DCTN5: variants seen among roughly 807,000 people sequenced by gnomAD.
DCTN5 encodes the protein dynactin 4.
DCTN5 carries 14 observed loss-of-function variants against 23.5 expected under a neutral mutation model. That is an observed-to-expected ratio of 0.60 (90% confidence interval 0.39 to 0.93). The LOEUF (loss-of-function observed/expected upper bound fraction) is 0.93, where lower values mean the gene tolerates loss of function less well. Ranked by LOEUF, DCTN5 falls within the 40% of genes least tolerant of loss-of-function variation. DCTN5 has a pLI of 0.00. For missense variants in DCTN5, 156 were observed against 225.9 expected (o/e 0.69, Z 1.98); for synonymous variants, 67 against 79.6 (o/e 0.84, Z 0.84).
intron 2 of DCTN5, chr16:23,650,750 T>C: frequency 6.5e-7 from 1 of 1,534,710 alleles, no homozygotes; most frequent in Non-Finnish European, 8.7e-7. Context: ...ATCCCTTCTC[T>C]TTCAGAACTT....
chr16:23,648,347 T>C (rs1967518029), intron 2 of DCTN5, among the ~76,000 whole-genome samples: 1 of 140,038 alleles, frequency 7.1e-6, no homozygotes, highest in Non-Finnish European at 1.5e-5. Flanking sequence ...CTTTTTTCTT[T>C]TTTTTTTTTT....
Position 23,669,275 on chromosome 16 carries a change from A to C in DCTN5, c.*2131A>C, listed in dbSNP as rs1027032784. 1 of 152,256 alleles carries C rather than the reference A, an allele frequency of 6.6e-6. No homozygotes were observed. Among genetic ancestry groups the C allele is most frequent in the African/African-American group, 2.4e-5 (1 of 41,462 alleles). 9.4% of individuals were successfully genotyped at this position (152,256 alleles called of 1,614,324 possible). On this transcript the variant is annotated 3_prime_UTR_variant, in exon 6 of 6. Coordinates refer to ENST00000300087, the MANE Select transcript of DCTN5 (RefSeq NM_032486.4). ...GGGAATTTAATGGCTCACGTAGCTG[A>C]AAAGGATGGGCTAGATTGGGCTTCA...
chr16:23,647,328 T>G lies in DCTN5; in HGVS notation c.117+4305T>G, dbSNP rs182639211. ...TTTTGCCATTTTGGTCAGGCTGGTC[T>G]CGAACTCCTGACCTCAGGTGATCCG... On this transcript the variant is annotated intron_variant, in intron 2 of 5. Coordinates refer to ENST00000300087, the MANE Select transcript of DCTN5 (RefSeq NM_032486.4). 7.9e-5 allele frequency among the ~76,000 whole-genome samples: 12 copies of G among 152,214 alleles called. No individual in the cohort carries two copies. In the East Asian group the frequency reaches 2.3e-3, roughly 29 times the overall value.
chr16:23,659,580 T>G (rs979463648), intron 3 of DCTN5, among the ~76,000 whole-genome samples: 2 of 152,210 alleles, frequency 1.3e-5, no homozygotes, highest in Admixed American at 1.3e-4. Flanking sequence ...ATATGACAGC[T>G]ACTATATGAT....
rs1231319566 is a variant in DCTN5, at chr16:23,675,532, A to G, written c.*8388A>G. ...AAAAAAAAAAAGTTTATCTACAAAA[A>G]TGCTTTTGTGCCTCTTACATACAAC... On this transcript the variant is annotated 3_prime_UTR_variant, in exon 6 of 6. Coordinates refer to ENST00000300087, the MANE Select transcript of DCTN5 (RefSeq NM_032486.4). 1 of 152,018 alleles carries G rather than the reference A, an allele frequency of 6.6e-6. No individual in the cohort carries two copies. The allele number at this position is 152,018 out of a possible 1,614,324, so 9.4% of individuals were successfully genotyped here. A position where few individuals can be genotyped will look rare whatever the true frequency, so the allele number is the denominator to read the frequency against.
Position 23,673,969 on chromosome 16 carries a change from G to A in DCTN5, c.*6825G>A, listed in dbSNP as rs1294216779. The A allele has an allele frequency of 6.6e-6, 1 of 152,146 alleles. No homozygotes were observed. Among genetic ancestry groups the A allele is most frequent in the Non-Finnish European group, 1.5e-5 (1 of 68,024 alleles). The allele number at this position is 152,146 out of a possible 1,614,324, so 9.4% of individuals were successfully genotyped here. A position where few individuals can be genotyped will look rare whatever the true frequency, so the allele number is the denominator to read the frequency against. ...TTTGAGTGGGTCAATTGGACTCTAA[G>A]ACCAACAAGATAAAAAGGCAGCCTT... On this transcript the variant is annotated 3_prime_UTR_variant, in exon 6 of 6. Transcript: ENST00000300087.
chr16:23,668,903 A>G lies in DCTN5; in HGVS notation c.*1759A>G, dbSNP rs1276677707. 6.6e-6 allele frequency: 1 copy of G among 152,466 alleles called. No individual in the cohort carries two copies. The highest frequency in any genetic ancestry group is 1.5e-5 in the Non-Finnish European group (1 of 68,042). 9.4% of individuals were successfully genotyped at this position (152,466 alleles called of 1,614,324 possible). A position where few individuals can be genotyped will look rare whatever the true frequency, so the allele number is the denominator to read the frequency against. On this transcript the variant is annotated 3_prime_UTR_variant, in exon 6 of 6. Coordinates refer to ENST00000300087, the MANE Select transcript of DCTN5 (RefSeq NM_032486.4). ...CTTGGATCAGTCACTGTGGCCATGC[A>G]TGTTTGGCCACATGATTAATCCAGT... is the stretch of plus-strand genomic sequence containing the variant.
intron 2 of DCTN5, among the ~76,000 whole-genome samples, chr16:23,645,394 G>A (rs1967437103): frequency 6.6e-6 from 1 of 151,752 alleles, no homozygotes; most frequent in South Asian, 2.1e-4. Context: ...CAAAGTGCTG[G>A]AATTACAGGC....
chr16:23,651,493 T>C (rs1431023661), intron 2 of DCTN5, among the ~76,000 whole-genome samples: 1 of 152,236 alleles, frequency 6.6e-6, no homozygotes, highest in Non-Finnish European at 1.5e-5. Flanking sequence ...GTGGATGTTC[T>C]TTATTTCCAG....
rs183984540 is a variant in DCTN5, at chr16:23,654,464, T to C, written c.118-4043T>C. On this transcript the variant is annotated intron_variant, in intron 2 of 5. Coordinates refer to ENST00000300087, the MANE Select transcript of DCTN5 (RefSeq NM_032486.4). ...CACTGGGGCCTATGGGAGCGGGGAGTTGGGAGGGTGCAGGAGGGAAAGGAT... is the reference window on the plus strand; with the variant it reads ...CACTGGGGCCTATGGGAGCGGGGAGCTGGGAGGGTGCAGGAGGGAAAGGAT... Among the ~76,000 whole-genome samples, 11 of 151,402 alleles carry C rather than the reference T, an allele frequency of 7.3e-5. No homozygotes were observed. The East Asian group carries it at 1.9e-3, about 27-fold the overall frequency.
chr16:23,650,871 G>A (rs1158785969), intron 2 of DCTN5: 1 of 1,422,586 alleles, frequency 7.0e-7, no homozygotes, highest in Non-Finnish European at 9.6e-7. Context: ...GAGTGGTGGG[G>A]CCTGGTGAAT....
intron 2 of DCTN5, among the ~76,000 whole-genome samples, chr16:23,655,809 T>C (rs1967694305): frequency 2.0e-5 from 3 of 152,158 alleles, no homozygotes; most frequent in Admixed American, 1.3e-4. Flanking sequence ...CCTCCCAAAG[T>C]ACTAGAATTA....
chr16:23,665,671 A>C lies in DCTN5; in HGVS notation c.394A>C (p.Thr132Pro). Residue 132 changes from threonine to proline, a missense_variant, in exon 5 of 6, where the codon ACA becomes CCA. This residue lies in a region of DCTN5 where 153 missense variants were observed against 206.8 expected (regional missense o/e 0.74). Coordinates refer to ENST00000300087, the MANE Select transcript of DCTN5 (RefSeq NM_032486.4). Reference protein sequence around the residue: ...LKDCCKILDNTVLPPETVVPP... With the variant: ...LKDCCKILDNPVLPPETVVPP... ...AGACTGCTGCAAAATTCTTGACAACACAGTATTACCTCCAGAAACTGTGGT... is the reference window on the plus strand; with the variant it reads ...AGACTGCTGCAAAATTCTTGACAACCCAGTATTACCTCCAGAAACTGTGGT... The C allele has an allele frequency of 6.2e-7, 1 of 1,614,154 alleles. No homozygotes were observed. Among genetic ancestry groups the C allele is most frequent in the Non-Finnish European group, 8.5e-7 (1 of 1,180,020 alleles).
intron 2 of DCTN5, among the ~76,000 whole-genome samples, chr16:23,652,075 A>G (rs1967615889): frequency 6.6e-6 from 1 of 152,126 alleles, no homozygotes; most frequent in Admixed American, 6.6e-5. Flanking sequence ...GAACTGTAAT[A>G]CTTCATAATC....
chr16:23,643,279 T>C (rs56077886), intron 2 of DCTN5, among the ~76,000 whole-genome samples: 9,648 of 150,920 alleles, frequency 0.064, 643 homozygotes, highest in African/African-American at 0.16. Context: ...GCAACCTCCG[T>C]CTCCCAGGTT....
chr16:23,658,460 G>A (rs376920212), intron 2 of DCTN5, 47 bp from the exon 3 acceptor site: 65 of 1,242,248 alleles, frequency 5.2e-5, no homozygotes, highest in South Asian at 2.3e-4. Flanking sequence ...TTTTTGTTAC[G>A]TCTTAGGCTA....
chr16:23,661,861 C>T (rs952040796), intron 4 of DCTN5, among the ~76,000 whole-genome samples: 1 of 151,840 alleles, frequency 6.6e-6, no homozygotes, highest in African/African-American at 2.4e-5. Context: ...TCCTTACAAC[C>T]ATTCAGATGT....
chr16:23,641,568 A>G lies in DCTN5; in HGVS notation c.26A>G (p.Asn9Ser), dbSNP rs1313364126. 1.2e-6 allele frequency: 2 copies of G among 1,613,892 alleles called. No individual in the cohort carries two copies. The highest frequency in any genetic ancestry group is 8.5e-7 in the Non-Finnish European group (1 of 1,179,950). Residue 9 changes from asparagine to serine, a missense_variant, in exon 1 of 6, where the codon AAC becomes AGC. Asn to Ser is a conservative substitution (Grantham distance 46). Transcript: ENST00000300087. ...ATGGAGTTGGGCGAGCTGCTCTACA[A>G]CAAGTCTGAGTACATCGAGACGGTG... is the stretch of plus-strand genomic sequence containing the variant. MELGELLYNKSEYIETASG... is the reference protein window; with the variant it reads MELGELLYSKSEYIETASG...
At position 23,673,348 on chromosome 16, in the gene DCTN5, C is replaced by G. The variant is rs1215034743; in HGVS notation, c.*6204C>G. On this transcript the variant is annotated 3_prime_UTR_variant, in exon 6 of 6. Transcript: ENST00000300087. ...CAGACTAGTCTTGAACTCCTGGGCTCAAGCGATCTTGGCCTCCCTAAGTGC... is the reference window on the plus strand; with the variant it reads ...CAGACTAGTCTTGAACTCCTGGGCTGAAGCGATCTTGGCCTCCCTAAGTGC... 6.6e-6 allele frequency: 1 copy of G among 152,148 alleles called. No individual in the cohort carries two copies. Among genetic ancestry groups the G allele is most frequent in the African/African-American group, 2.4e-5 (1 of 41,412 alleles). The allele number at this position is 152,148 out of a possible 1,614,324, so 9.4% of individuals were successfully genotyped here.
Sources: allele counts gnomAD v4.1 joint callset (sites outside exome capture counted in the v4.1 genomes callset), GRCh38; gene constraint gnomAD v4.1.1; regional missense constraint gnomAD v4.1.1; transcripts MANE v1.5; gene names NCBI Gene and HGNC (gene_info 2026-07-23, HGNC 2026-07-21).